Variants in METTL9 observed in about 807,000 individuals in gnomAD.
The protein encoded by METTL9 is methyltransferase 9, His-X-His N1(pi)-histidine, also known as protein-L-histidine N-pros-methyltransferase.
METTL9 carries 10 observed loss-of-function variants against 36.0 expected under a neutral mutation model. The observed-to-expected ratio is 0.28, with a 90% CI of 0.17 to 0.47. The LOEUF (loss-of-function observed/expected upper bound fraction) is 0.47. Ranked by LOEUF, METTL9 falls within the 20% of genes least tolerant of loss-of-function variation. The pLI is 0.99. For synonymous variants in METTL9, 175 were observed against 149.7 expected, an observed-to-expected ratio of 1.17 and a Z score of -1.23; for missense variants, 246 against 383.5, an observed-to-expected ratio of 0.64 and a Z score of 3.00.
At chr16:21,632,946 A>G (rs778865419) in intron 4 of METTL9, among the ~76,000 whole-genome samples, 14 of 152,150 alleles carry the variant, frequency 9.2e-5, no homozygotes, top group Non-Finnish European at 1.6e-4. Flanking sequence ...GTCAGAGCTT[A>G]TACTAGGGCC....
At chr16:21,621,889 CG>C (rs1965705342) in intron 3 of METTL9, among the ~76,000 whole-genome samples, 1 of 151,146 alleles carries the variant, frequency 6.6e-6, no homozygotes, top group African/African-American at 2.4e-5. Context: ...TTTTGGGAGA[CG>C]GAATCTCTCC....
rs1966443455 is a variant in METTL9 at position 21,646,908 on chromosome 16, A to T, written c.752-8319A>T. 1.3e-5 allele frequency: 7 copies of T among 547,744 alleles called. No individual in the cohort carries two copies. The Admixed American group carries it at 1.4e-4, about 11-fold the overall frequency. The allele number at this position is 547,744 out of a possible 1,614,324, so 33.9% of individuals were successfully genotyped here. ...TGACCTCAAGTGATTCGTCCACCTC[A>T]GCCTCAAAGTGCTGGGATTACAGGT... is the stretch of plus-strand genomic sequence containing the variant. On this transcript the variant is annotated intron_variant, in intron 4 of 4. Transcript: ENST00000358154.
At chr16:21,600,058 GTCGAC>G (rs1965074039) in intron 1 of METTL9, among the ~76,000 whole-genome samples, 160 bp downstream of exon 1, 1 of 151,862 alleles carries the variant, frequency 6.6e-6, no homozygotes, top group Non-Finnish European at 1.5e-5. Context: ...CCCGCCGGGC[GTCGAC>G]TCCGCGAGCC....
At chr16:21,610,179 A>G (rs777101122) in intron 1 of METTL9, among the ~76,000 whole-genome samples, 6 of 152,152 alleles carry the variant, frequency 3.9e-5, no homozygotes, top group African/African-American at 7.2e-5. Flanking sequence ...GGCAGCCACA[A>G]TCTACTATCT....
At chr16:21,650,852 AAC>A (rs1450742299) in intron 4 of METTL9, among the ~76,000 whole-genome samples, 2 of 152,212 alleles carry the variant, frequency 1.3e-5, no homozygotes, top group Non-Finnish European at 1.5e-5. Context: ...TTGTTTTTTA[AAC>A]ACAGTATCCA....
intron 1 of METTL9, among the ~76,000 whole-genome samples, chr16:21,608,916 G>C (rs1373474104): frequency 6.6e-6 from 1 of 152,194 alleles, no homozygotes; most frequent in Non-Finnish European, 1.5e-5. Context: ...GTGAAGAGAA[G>C]CTTCTTTGAA....
intron 4 of METTL9, chr16:21,640,593 A>G (rs1966228916): frequency 7.3e-6 from 1 of 136,998 alleles, no homozygotes; most frequent in South Asian, 2.2e-4. Context: ...TCTACTAAAA[A>G]TACAAAAAAA....
At chr16:21,605,257 C>CTTTTTATTTTTTTTTTTTTTTTT (rs1965247186) in intron 1 of METTL9, among the ~76,000 whole-genome samples, 1 of 51,204 alleles carries the variant, frequency 2.0e-5, no homozygotes, top group Non-Finnish European at 3.9e-5. Flanking sequence ...GGCTTGCCTT[C>CTTTTTATTTTTTTTTTTTTTTTT]TTTTTTTTTT....
chr16:21,637,954 C>T (rs1048822470), intron 4 of METTL9, among the ~76,000 whole-genome samples: 15 of 152,160 alleles, frequency 9.9e-5, no homozygotes, highest in East Asian at 3.8e-4. Flanking sequence ...TTTTGCAGCT[C>T]GAAGTAAAAC....
At chr16:21,619,784 C>T (rs1372112277) in intron 3 of METTL9, among the ~76,000 whole-genome samples, 1 of 151,954 alleles carries the variant, frequency 6.6e-6, no homozygotes, top group African/African-American at 2.4e-5. Context: ...TGGGAGATTT[C>T]TATATATTGG....
At chr16:21,651,339 G>A (rs1966570507) in intron 4 of METTL9, among the ~76,000 whole-genome samples, 1 of 152,146 alleles carries the variant, frequency 6.6e-6, no homozygotes, top group Admixed American at 6.5e-5. Flanking sequence ...CTGTTGCCCA[G>A]GCTGGAGTGC....
intron 4 of METTL9, chr16:21,643,480 T>TA: frequency 9.8e-7 from 1 of 1,022,916 alleles, no homozygotes; most frequent in African/African-American, 1.6e-5. Flanking sequence ...AGCTAAAAAA[T>TA]ATTTCAGTTT....
intron 4 of METTL9, chr16:21,653,464 GTCT>G (rs1966631398): frequency 6.6e-6 from 1 of 152,234 alleles, no homozygotes; most frequent in African/African-American, 2.4e-5. Context: ...TTCAGTAAGG[GTCT>G]TCTTTGTAAA....
intron 2 of METTL9, among the ~76,000 whole-genome samples, chr16:21,613,047 T>C (rs1190058249): frequency 6.6e-6 from 1 of 152,090 alleles, no homozygotes; most frequent in Non-Finnish European, 1.5e-5. Flanking sequence ...AGTATGTTTA[T>C]TCATAGCGGG....
At chr16:21,638,985 A>G (rs1202081751) in intron 4 of METTL9, among the ~76,000 whole-genome samples, 1 of 152,194 alleles carries the variant, frequency 6.6e-6, no homozygotes, top group Non-Finnish European at 1.5e-5. Context: ...TTTGTTGTTA[A>G]TTTTGAAATA....
chr16:21,628,650 C>T (rs1035764531), intron 4 of METTL9, among the ~76,000 whole-genome samples: 13 of 152,028 alleles, frequency 8.6e-5, no homozygotes, highest in Non-Finnish European at 1.8e-4. Flanking sequence ...CATACCACCA[C>T]ACCCATCTAA....
At chr16:21,642,354 C>T (rs1006147825) in intron 4 of METTL9, 1 of 152,030 alleles carries the variant, frequency 6.6e-6, no homozygotes, top group Non-Finnish European at 1.5e-5. Flanking sequence ...TTAGCATGGC[C>T]CCTACACAAA....
chr16:21,643,205 G>T, intron 4 of METTL9: 1 of 1,351,894 alleles, frequency 7.4e-7, no homozygotes, highest in Non-Finnish European at 1.0e-6. Context: ...TATAAGCGAT[G>T]ATAACGACGC....
Position 21,599,876 on chromosome 16 carries a change from G to A in METTL9, c.143G>A (p.Gly48Asp). The A allele has an allele frequency of 6.8e-7, 1 of 1,473,408 alleles. No homozygotes were observed. The highest frequency in any genetic ancestry group is 3.0e-5 in the East Asian group (1 of 33,654). 91.3% of individuals were successfully genotyped at this position (1,473,408 alleles called of 1,614,324 possible). ...CCGGGTGGGCCGGCGGCGGCCGCGG[G>A]CGGCAGGAAGGAGAACCACCAGGTA... ...SGPGGPAAAAGGRKENHQWYV... is the reference protein window; with the variant it reads ...SGPGGPAAAADGRKENHQWYV... Residue 48 changes from glycine to aspartate, a missense_variant, in exon 1 of 5, where the codon GGC (glycine) becomes GAC (aspartate). Coordinates refer to ENST00000358154, the MANE Select transcript of METTL9 (RefSeq NM_016025.5). This position sits in a 1 kb window ranked among gnomAD's most constrained non-coding sequence, Gnocchi z 4.4.
Sources: gnomAD v4.1 joint callset for allele counts (sites outside exome capture counted in the v4.1 genomes callset) on GRCh38, gnomAD v4.1.1 for gene constraint, Gnocchi (gnomAD v3.1) non-coding constraint, MANE v1.5 for transcripts, NCBI Gene and HGNC (gene_info 2026-07-23, HGNC 2026-07-21) for gene names.